EPHB2: variants seen among roughly 807,000 people sequenced by gnomAD.
EPHB2 encodes the protein EPH receptor B2.
A neutral mutation model predicts 96.4 loss-of-function variants in EPHB2; 18 were observed. That is an observed-to-expected ratio of 0.19 (90% CI 0.13 to 0.28). The LOEUF (loss-of-function observed/expected upper bound fraction) is 0.28. Ranked by LOEUF, EPHB2 falls within the 10% of genes least tolerant of loss-of-function variation. EPHB2 has a pLI of 1.00. For synonymous variants in EPHB2, 506 were observed against 534.1 expected (o/e 0.95, Z 0.72); for missense variants, 989 against 1,355.4 (o/e 0.73, Z 4.25).
intron 9 of EPHB2, 110 bp from the exon 10 acceptor site, chr1:22,905,876 TG>T: frequency 4.5e-6 from 7 of 1,568,506 alleles, no homozygotes; most frequent in Non-Finnish European, 6.1e-6. Flanking sequence ...CCAGTTCTTA[TG>T]GGGGCCACAT....
chr1:22,766,468 G>T (rs1226875874), intron 1 of EPHB2, among the ~76,000 whole-genome samples: 1 of 152,238 alleles, frequency 6.6e-6, no homozygotes, highest in African/African-American at 2.4e-5. Context: ...GGAATGAGGG[G>T]CAATGATGAT....
At chr1:22,856,381 G>A (rs1645699120) in intron 3 of EPHB2, among the ~76,000 whole-genome samples, 2 of 152,194 alleles carry the variant, frequency 1.3e-5, no homozygotes, top group African/African-American at 4.8e-5. Context: ...CCTGCCCTGG[G>A]TTGCCTGGCC....
intron 9 of EPHB2, among the ~76,000 whole-genome samples, chr1:22,898,608 C>T (rs1639646173): frequency 6.6e-6 from 1 of 152,158 alleles, no homozygotes; most frequent in South Asian, 2.1e-4. Context: ...AGAGGGATGA[C>T]ATGCTCCAAG....
chr1:22,886,209 C>T (rs188159738), intron 6 of EPHB2, among the ~76,000 whole-genome samples: 8 of 152,240 alleles, frequency 5.3e-5, no homozygotes, highest in Admixed American at 2.6e-4. Flanking sequence ...TCACCAAACG[C>T]GCAGGTGGGA....
chr1:22,891,733 C>A (rs1639393900), intron 6 of EPHB2, among the ~76,000 whole-genome samples: 1 of 152,016 alleles, frequency 6.6e-6, no homozygotes, highest in Non-Finnish European at 1.5e-5. Flanking sequence ...GTTTGGGGTA[C>A]CCAAAGGCAT....
intron 5 of EPHB2, among the ~76,000 whole-genome samples, chr1:22,869,407 G>A (rs893225564): frequency 1.3e-5 from 2 of 152,036 alleles, no homozygotes; most frequent in Non-Finnish European, 2.9e-5. Context: ...CTACATACAA[G>A]ATGGCATGGA....
At chr1:22,741,685 AAAAC>A (rs1643904856) in intron 1 of EPHB2, among the ~76,000 whole-genome samples, 1 of 143,672 alleles carries the variant, frequency 7.0e-6, no homozygotes, top group Non-Finnish European at 1.5e-5. Flanking sequence ...CCAGCAAAAA[AAAAC>A]AAAAAAACAA....
chr1:22,914,709 T>G lies in EPHB2; in HGVS notation c.*1139T>G, dbSNP rs988742522. 1.3e-5 allele frequency: 2 copies of G among 152,606 alleles called. No individual in the cohort carries two copies. Among genetic ancestry groups the G allele is most frequent in the African/African-American group, 4.8e-5 (2 of 41,426 alleles). 9.5% of individuals were successfully genotyped at this position (152,606 alleles called of 1,614,324 possible). A position where few individuals can be genotyped will look rare whatever the true frequency, so the allele number is the denominator to read the frequency against. On this transcript the variant is annotated 3_prime_UTR_variant, in exon 16 of 16. Transcript: ENST00000374630. ...TCTGGATTTTTTTATACGGTTTTCA[T>G]TGACACTCTTCCCTCCTCCCACCTG...
rs1415641222 is a variant in EPHB2, at chr1:22,895,474, G to A, written c.1594G>A (p.Glu532Lys). ...KMYFQTMTEA[E>K]YQTSIQEKLP... ...GCCCTACCATGCTTTCTCCCCAGCC[G>A]AGTACCAGACAAGCATCCAGGAGAA... The change falls in exon 8 of 16, where the codon GAG becomes AAG. Residue 532 changes from glutamate (E) to lysine (K), a missense_variant and splice_region_variant. Transcript: ENST00000374630. The A allele has an allele frequency of 1.4e-5, 22 of 1,614,196 alleles. No homozygotes were observed. The highest frequency in any genetic ancestry group is 3.3e-5 in the South Asian group (3 of 91,078).
At position 22,803,757 on chromosome 1, in the gene EPHB2, AT is replaced by A. The variant is rs1557683913; in HGVS notation, c.811+18682del. On this transcript the variant is annotated intron_variant, in intron 3 of 15. Coordinates refer to ENST00000374630, the MANE Select transcript of EPHB2 (RefSeq NM_017449.5). The stretch of plus-strand genomic sequence containing the variant: ...TGTGTGTGTGTGTATATATATATAT[AT>A]ATAAATTAGCTGGGGTGTGACGATG... Among the ~76,000 whole-genome samples, 6 of 150,594 alleles carry A rather than the reference AT, an allele frequency of 4.0e-5. No homozygotes were observed. The East Asian group carries it at 9.7e-4, about 24-fold the overall frequency.
chr1:22,895,571 T>C lies in EPHB2; in HGVS notation c.1691T>C (p.Val564Ala). The C allele has an allele frequency of 1.2e-6, 2 of 1,614,238 alleles. No homozygotes were observed. The highest frequency in any genetic ancestry group is 1.7e-6 in the Non-Finnish European group (2 of 1,180,032). The change falls in exon 8 of 16, where the codon GTG becomes GCG. Residue 564 changes from valine to alanine, a missense_variant. Val to Ala is a moderately conservative substitution (Grantham distance 64). Transcript: ENST00000374630. ...FLIAVVVIAI[V>A]CNRRGFERAD... ...ATTGCTGTGGTTGTCATCGCCATCG[T>C]GTGTAACAGGTGGGTGGGGTCTCCA... is the stretch of plus-strand genomic sequence containing the variant.
At chr1:22,752,219 A>G (rs1040925770) in intron 1 of EPHB2, among the ~76,000 whole-genome samples, 2 of 152,230 alleles carry the variant, frequency 1.3e-5, no homozygotes, top group African/African-American at 4.8e-5. Context: ...TAAAATTACT[A>G]GGTGGGGTGG....
intron 3 of EPHB2, among the ~76,000 whole-genome samples, chr1:22,818,882 C>CATCTGTTTA (rs1645110746): frequency 6.6e-6 from 1 of 152,160 alleles, no homozygotes; most frequent in Non-Finnish European, 1.5e-5. Context: ...GAATTGTCAC[C>CATCTGTTTA]ATCTGTTTAT....
At chr1:22,843,826 C>T (rs1292651604) in intron 3 of EPHB2, among the ~76,000 whole-genome samples, 1 of 152,252 alleles carries the variant, frequency 6.6e-6, no homozygotes, top group South Asian at 2.1e-4. Context: ...CAGGCGTGGG[C>T]CACCGTACCC....
At chr1:22,908,961 A>G in intron 12 of EPHB2, 61 bp from the exon 13 acceptor site, 1 of 1,607,164 alleles carries the variant, frequency 6.2e-7, no homozygotes. Context: ...TGGGAGGATT[A>G]AGAGAAGAGG....
intron 1 of EPHB2, 102 bp downstream of exon 1, chr1:22,711,145 G>T: frequency 6.8e-6 from 1 of 146,738 alleles, no homozygotes; most frequent in South Asian, 1.9e-4. Context: ...AAGTTTGCCC[G>T]GGGGCCGGCG....
intron 1 of EPHB2, among the ~76,000 whole-genome samples, chr1:22,774,237 C>T (rs1004395729): frequency 2.0e-5 from 3 of 152,188 alleles, no homozygotes; most frequent in African/African-American, 7.2e-5. Context: ...CCAGCCGTCT[C>T]ACTCCGCCTC....
chr1:22,811,883 T>A (rs374956887), intron 3 of EPHB2, among the ~76,000 whole-genome samples: 3 of 151,968 alleles, frequency 2.0e-5, no homozygotes, highest in African/African-American at 7.3e-5. Flanking sequence ...TACACAAAAT[T>A]TAAAAACCAG....
At chr1:22,813,307 A>C (rs1202878186) in intron 3 of EPHB2, among the ~76,000 whole-genome samples, 1 of 152,174 alleles carries the variant, frequency 6.6e-6, no homozygotes, top group Non-Finnish European at 1.5e-5. Context: ...CACTGCCGGC[A>C]GGGCTAGGAT....
Sources: gnomAD v4.1 joint callset for allele counts (sites outside exome capture counted in the v4.1 genomes callset) on GRCh38, gnomAD v4.1.1 for gene constraint, MANE v1.5 for transcripts, NCBI Gene and HGNC (gene_info 2026-07-23, HGNC 2026-07-21) for gene names.